The following SLC8A1 variants were observed in gnomAD, a reference collection of about 807,000 sequenced individuals.
SLC8A1 encodes the protein solute carrier family 8 member A1.
In SLC8A1, 18 loss-of-function variants were observed where a neutral mutation model predicts 68.3. The ratio of observed to expected loss-of-function variants is 0.26; its 90% CI spans 0.18 to 0.39. The LOEUF (loss-of-function observed/expected upper bound fraction) is 0.39. Among genes scored for constraint, SLC8A1 ranks in the 10% least tolerant of loss-of-function variants. The pLI, the probability that SLC8A1 is intolerant of heterozygous loss-of-function variation, is 1.00. For missense variants in SLC8A1, 985 were observed against 1,156.7 expected (o/e 0.85, Z 2.15); for synonymous variants, 475 against 415.5 (o/e 1.14, Z -1.74).
At chr2:40,117,841 T>A (rs911829632) in intron 7 of SLC8A1, among the ~76,000 whole-genome samples, 1 of 152,164 alleles carries the variant, frequency 6.6e-6, no homozygotes, top group Non-Finnish European at 1.5e-5. Flanking sequence ...GGGGAAGATA[T>A]GTACAGCATG....
chr2:40,252,837 TATA>T, intron 2 of SLC8A1, among the ~76,000 whole-genome samples: 1 of 113,202 alleles, frequency 8.8e-6, no homozygotes, highest in Non-Finnish European at 1.8e-5. Context: ...TATACATGTG[TATA>T]CATATATGTA....
At chr2:40,241,448 C>T (rs748880885) in intron 2 of SLC8A1, among the ~76,000 whole-genome samples, 3 of 152,134 alleles carry the variant, frequency 2.0e-5, no homozygotes, top group Non-Finnish European at 4.4e-5. Flanking sequence ...ACAATAAACC[C>T]GCACATGTAC....
intron 2 of SLC8A1, among the ~76,000 whole-genome samples, chr2:40,323,046 C>G (rs1458073286): frequency 6.6e-6 from 1 of 152,066 alleles, no homozygotes; most frequent in Admixed American, 6.6e-5. Flanking sequence ...TTATATAACA[C>G]TTAAACTAAT....
chr2:40,398,663 C>G (rs1291349941), intron 2 of SLC8A1, among the ~76,000 whole-genome samples: 1 of 152,138 alleles, frequency 6.6e-6, no homozygotes, highest in African/African-American at 2.4e-5. Context: ...ATGTGAACAT[C>G]TTTTTGTAAA....
chr2:40,297,024 C>G (rs749693856), intron 2 of SLC8A1, among the ~76,000 whole-genome samples: 1 of 151,922 alleles, frequency 6.6e-6, no homozygotes, highest in African/African-American at 2.4e-5. Flanking sequence ...GGTCATGTGA[C>G]TATAATTAAT....
intron 2 of SLC8A1, among the ~76,000 whole-genome samples, chr2:40,186,895 G>A (rs13389962): frequency 0.13 from 19,268 of 152,078 alleles, 1,342 homozygotes; most frequent in African/African-American, 0.16. Flanking sequence ...AATGAAATTC[G>A]CAGGTTATTG....
At chr2:40,201,790 CA>C (rs1269682949) in intron 2 of SLC8A1, among the ~76,000 whole-genome samples, 1 of 151,908 alleles carries the variant, frequency 6.6e-6, no homozygotes, top group Non-Finnish European at 1.5e-5. Context: ...AACTTACCAT[CA>C]AGGCCACAGA....
intron 2 of SLC8A1, among the ~76,000 whole-genome samples, chr2:40,379,618 T>C (rs547845969): frequency 6.6e-6 from 1 of 151,908 alleles, no homozygotes; most frequent in African/African-American, 2.4e-5. Context: ...TCCAGACTAA[T>C]GTTTCCATAG....
chr2:40,170,966 C>T (rs1050370398), intron 4 of SLC8A1, among the ~76,000 whole-genome samples: 1 of 152,238 alleles, frequency 6.6e-6, no homozygotes, highest in South Asian at 2.1e-4. Flanking sequence ...GTCACAGCAA[C>T]TGTTTGGATA....
At chr2:40,126,314 T>C (rs1271321581) in intron 7 of SLC8A1, among the ~76,000 whole-genome samples, 2 of 152,168 alleles carry the variant, frequency 1.3e-5, no homozygotes, top group East Asian at 1.9e-4. Context: ...GCATTTTTTA[T>C]GTGTGTGTGT....
intron 2 of SLC8A1, among the ~76,000 whole-genome samples, chr2:40,194,200 T>C (rs1426938312): frequency 6.6e-6 from 1 of 152,182 alleles, no homozygotes; most frequent in Non-Finnish European, 1.5e-5. Flanking sequence ...TGAGTAGGTT[T>C]GGCAAGCCTT....
At chr2:40,363,515 T>C (rs976648236) in intron 2 of SLC8A1, among the ~76,000 whole-genome samples, 2 of 152,112 alleles carry the variant, frequency 1.3e-5, no homozygotes, top group Non-Finnish European at 2.9e-5. Context: ...ACATGGTAAA[T>C]GATTAAAAAC....
At chr2:40,429,188 G>A (rs370199920) in exon 2 of SLC8A1, 9 of 1,613,584 alleles carry the variant, frequency 5.6e-6, no homozygotes, top group South Asian at 1.1e-5. Flanking sequence ...GCTTGAATGC[G>A]ATAAAATGCT....
In SLC8A1 at chr2:40,353,054, T is replaced by C. The variant is rs17025872; in HGVS notation, c.1808+75419A>G. Reference sequence around the variant, plus strand: ...CTGAAGGGGTGGAGCTCTCACAGCCTTGCTTTTGTGTTCAACTTCTGACTT... The same window carrying C: ...CTGAAGGGGTGGAGCTCTCACAGCCCTGCTTTTGTGTTCAACTTCTGACTT... On this transcript the variant is annotated intron_variant, in intron 2 of 7. Coordinates refer to ENST00000406785, the Ensembl canonical transcript of SLC8A1. 2.6e-3 allele frequency among the ~76,000 whole-genome samples: 392 copies of C among 152,302 alleles called. 2 individuals are homozygous for C. Among genetic ancestry groups the C allele is most frequent in the African/African-American group, 9.1e-3 (377 of 41,576 alleles).
At chr2:40,150,008 C>A (rs550966793) in intron 6 of SLC8A1, among the ~76,000 whole-genome samples, 78 of 139,308 alleles carry the variant, frequency 5.6e-4, no homozygotes, top group Non-Finnish European at 9.8e-4. Flanking sequence ...TCTCTGTGAT[C>A]TTGGAGGAGA....
intron 2 of SLC8A1, among the ~76,000 whole-genome samples, chr2:40,360,923 A>G (rs1332729513): frequency 6.6e-6 from 1 of 152,174 alleles, no homozygotes; most frequent in African/African-American, 2.4e-5. Context: ...ATTGTGAGTC[A>G]GACATTTGGA....
exon 8 of SLC8A1, chr2:40,101,263 T>C (rs535074678): frequency 2.0e-5 from 3 of 152,102 alleles, no homozygotes. Context: ...GCCTTGTGAG[T>C]CTTTGAAAAT....
intron 2 of SLC8A1, among the ~76,000 whole-genome samples, chr2:40,247,598 G>C (rs911086150): frequency 2.6e-5 from 4 of 152,186 alleles, no homozygotes; most frequent in African/African-American, 9.7e-5. Flanking sequence ...CACATTAGCT[G>C]TATTGGCCTA....
chr2:40,193,658 A>T (rs2052342800), intron 2 of SLC8A1, among the ~76,000 whole-genome samples: 1 of 152,146 alleles, frequency 6.6e-6, no homozygotes, highest in South Asian at 2.1e-4. Context: ...ATTTTGCAAG[A>T]AGGAGCCAAT....
Sources: gnomAD v4.1 joint callset for allele counts (sites outside exome capture counted in the v4.1 genomes callset) on GRCh38, gnomAD v4.1.1 for gene constraint, MANE v1.5 for transcripts, NCBI Gene and HGNC (gene_info 2026-07-23, HGNC 2026-07-21) for gene names.